The following PXDN variants were observed in gnomAD, a reference collection of about 807,000 sequenced individuals.
PXDN encodes the protein peroxidasin homolog.
In PXDN, 77 loss-of-function variants were observed where a neutral mutation model predicts 140.3. That is an observed-to-expected ratio of 0.55 (90% CI 0.46 to 0.66). The LOEUF is 0.66. Ranked by LOEUF, PXDN falls within the 30% of genes least tolerant of loss-of-function variation. The probability of loss-of-function intolerance (pLI) is 0.00; values close to 1 mark genes in which losing one functional copy is unlikely to be tolerated. For missense variants in PXDN, 1,838 were observed against 2,039.5 expected, an observed-to-expected ratio of 0.90 and a Z score of 1.90; for synonymous variants, 911 against 857.4, an observed-to-expected ratio of 1.06 and a Z score of -1.09.
At position 1,666,439 on chromosome 2, in the gene PXDN, C is replaced by G. The variant is rs371682650; in HGVS notation, c.1066G>C (p.Gly356Arg). 1.2e-6 allele frequency: 2 copies of G among 1,612,658 alleles called. No homozygotes were observed. The highest frequency in any genetic ancestry group is 1.3e-5 in the African/African-American group (1 of 74,930). Residue 356 changes from glycine to arginine, a missense_variant, in exon 10 of 23, where the codon GGG becomes CGG. Physicochemically the swap from Gly to Arg is moderately radical, Grantham distance 125. This residue lies in a region of PXDN where 208 missense variants were observed against 325.8 expected (regional missense o/e 0.64). Transcript: ENST00000252804. ...IQPQNTEVLV[G>R]ESVTLECSAT... Reference sequence around the variant, plus strand: ...CTGCACTCCAGCGTGACGCTCTCCCCAACCAGCACCTCTGTATTCTGTGGC... The same window carrying G: ...CTGCACTCCAGCGTGACGCTCTCCCGAACCAGCACCTCTGTATTCTGTGGC...
chr2:1,736,636 T>C (rs1187049993), intron 1 of PXDN, among the ~76,000 whole-genome samples: 2 of 151,062 alleles, frequency 1.3e-5, no homozygotes, highest in African/African-American at 2.4e-5. Context: ...CCTGGGCAAA[T>C]AGCAAGACTC....
At chr2:1,705,034 CTG>C (rs1684557987) in intron 1 of PXDN, among the ~76,000 whole-genome samples, 1 of 152,110 alleles carries the variant, frequency 6.6e-6, no homozygotes, top group East Asian at 1.9e-4. Flanking sequence ...TAAAAATTAA[CTG>C]AAGTTACAGA....
intron 1 of PXDN, among the ~76,000 whole-genome samples, chr2:1,716,440 GAAAAAAA>G (rs550784477): frequency 0.26 from 14,819 of 56,980 alleles, 1,234 homozygotes; most frequent in South Asian, 0.36. Context: ...TCCATCTCAG[GAAAAAAA>G]AAAAAAAAAA....
intron 9 of PXDN, among the ~76,000 whole-genome samples, chr2:1,669,480 T>C (rs548902035): frequency 6.6e-6 from 1 of 152,298 alleles, no homozygotes; most frequent in Non-Finnish European, 1.5e-5. Flanking sequence ...TAAAAATATA[T>C]ATATTCTGCT....
At chr2:1,710,372 T>C (rs1300419532) in intron 1 of PXDN, among the ~76,000 whole-genome samples, 2 of 152,126 alleles carry the variant, frequency 1.3e-5, no homozygotes, top group African/African-American at 4.8e-5. Context: ...GCTCAGCGTT[T>C]CTGGGGGACA....
intron 1 of PXDN, among the ~76,000 whole-genome samples, chr2:1,718,568 C>T (rs1311962980): frequency 6.6e-6 from 1 of 152,200 alleles, no homozygotes; most frequent in African/African-American, 2.4e-5. Context: ...CCACCCAAAC[C>T]TACTTTATTA....
At position 1,651,147 on chromosome 2, in the gene PXDN, G is replaced by A. The variant is rs1322657202; in HGVS notation, c.2105-1472C>T. Among the ~76,000 whole-genome samples the A allele has an allele frequency of 6.6e-6, 1 of 152,114 alleles. No homozygotes were observed. Among genetic ancestry groups the A allele is most frequent in the African/African-American group, 2.4e-5 (1 of 41,438 alleles). On this transcript the variant is annotated intron_variant, in intron 16 of 22. Coordinates refer to ENST00000252804, the MANE Select transcript of PXDN (RefSeq NM_012293.3). This position sits in a 1 kb window ranked among gnomAD's most constrained non-coding sequence, Gnocchi z 4.4. ...TGAAACATCTGGCCCTATTTTCACA[G>A]CTACTCTTGGGAAGTCCTACAGAAT...
intron 1 of PXDN, among the ~76,000 whole-genome samples, chr2:1,722,765 G>A (rs541457742): frequency 1.7e-4 from 26 of 152,342 alleles, no homozygotes; most frequent in Admixed American, 9.8e-4. Flanking sequence ...AGGGGGGTAC[G>A]AGGAAGCAGG....
intron 14 of PXDN, among the ~76,000 whole-genome samples, chr2:1,657,341 T>A (rs556738741): frequency 6.9e-6 from 1 of 144,976 alleles, no homozygotes; most frequent in Non-Finnish European, 1.5e-5. Context: ...CCAACCTGAC[T>A]GAAACCAGCC....
chr2:1,650,428 A>G (rs570975898), intron 16 of PXDN, among the ~76,000 whole-genome samples: 42 of 152,292 alleles, frequency 2.8e-4, no homozygotes, highest in African/African-American at 9.1e-4. Context: ...GTCTTTGCCC[A>G]CTAGCTACAG....
At chr2:1,710,765 C>T (rs1354465078) in intron 1 of PXDN, among the ~76,000 whole-genome samples, 48 of 48,768 alleles carry the variant, frequency 9.8e-4, no homozygotes, top group African/African-American at 3.9e-3. Flanking sequence ...GCACCCACTC[C>T]ACCAGCACCC....
Position 1,694,516 on chromosome 2 carries a change from T to C in PXDN, c.201-1382A>G, listed in dbSNP as rs538170227. ...GGAGAAGGGGAAGGCGGCCCCCCTCTGCCCACCTGGCCCTCCTGGCCATCA... is the reference window on the plus strand; with the variant it reads ...GGAGAAGGGGAAGGCGGCCCCCCTCCGCCCACCTGGCCCTCCTGGCCATCA... On this transcript the variant is annotated intron_variant, in intron 1 of 22. Coordinates refer to ENST00000252804, the MANE Select transcript of PXDN (RefSeq NM_012293.3). Among the ~76,000 whole-genome samples, 18 of 152,316 alleles carry C rather than the reference T, an allele frequency of 1.2e-4. No homozygotes were observed. The East Asian group carries it at 3.5e-3, about 29-fold the overall frequency.
chr2:1,674,607 TCACCCTCACCC>T (rs893273243), intron 8 of PXDN, among the ~76,000 whole-genome samples: 3 of 152,146 alleles, frequency 2.0e-5, no homozygotes, highest in African/African-American at 7.2e-5. Context: ...CTGCCGCCTC[TCACCCTCACCC>T]CACCTGTAAC....
chr2:1,659,000 T>C (rs979645345), intron 14 of PXDN, among the ~76,000 whole-genome samples: 1 of 152,188 alleles, frequency 6.6e-6, no homozygotes, highest in African/African-American at 2.4e-5. Flanking sequence ...CACCAGGATC[T>C]AACTCCATGG....
chr2:1,744,504 G>C lies in PXDN; in HGVS notation c.-49C>G. ...CGGACGCACGGAGCCACCACGGCCG[G>C]CTCCCGACTGCGCCCGCCCGGCCGC... On this transcript the variant is annotated 5_prime_UTR_variant, in exon 1 of 23. Transcript: ENST00000252804. The C allele has an allele frequency of 7.5e-7, 1 of 1,326,064 alleles. No homozygotes were observed. Among genetic ancestry groups the C allele is most frequent in the Non-Finnish European group, 9.6e-7 (1 of 1,045,546 alleles). The allele number at this position is 1,326,064 out of a possible 1,614,324, so 82.1% of individuals were successfully genotyped here. A position where few individuals can be genotyped will look rare whatever the true frequency, so the allele number is the denominator to read the frequency against.
Position 1,673,722 on chromosome 2 carries a change from A to G in PXDN, c.939T>C (p.Gly313=). The G allele has an allele frequency of 6.2e-7, 1 of 1,613,976 alleles. No homozygotes were observed. Among genetic ancestry groups the G allele is most frequent in the Non-Finnish European group, 8.5e-7 (1 of 1,179,894 alleles). Reference sequence around the variant, plus strand: ...CGTTCTTTGCCATGCACTGGTAGATACCCTGGTCTGTCTCCTGTGTGTTCT... The same window carrying G: ...CGTTCTTTGCCATGCACTGGTAGATGCCCTGGTCTGTCTCCTGTGTGTTCT... ...MIQNTQETDQ[G]IYQCMAKNVA... is the part of the protein sequence containing the mutation. The change falls in exon 9 of 23, where the codon GGT becomes GGC. Residue 313 remains glycine (G), a synonymous_variant. Coordinates refer to ENST00000252804, the MANE Select transcript of PXDN (RefSeq NM_012293.3).
At chr2:1,679,920 GGATGGT>G (rs1683843179) in intron 7 of PXDN, among the ~76,000 whole-genome samples, 4 of 124,754 alleles carry the variant, frequency 3.2e-5, no homozygotes, top group African/African-American at 8.4e-5. Context: ...GTGTGTGTGT[GGATGGT>G]GTGTGTGTGT....
chr2:1,710,139 C>T (rs1483046347), intron 1 of PXDN, among the ~76,000 whole-genome samples: 1 of 152,170 alleles, frequency 6.6e-6, no homozygotes, highest in African/African-American at 2.4e-5. Context: ...CGGTACATCC[C>T]ATCTGTGATG....
At chr2:1,692,064 A>G in intron 2 of PXDN, 65 bp from the exon 3 acceptor site, 1 of 1,191,930 alleles carries the variant, frequency 8.4e-7, no homozygotes, top group Non-Finnish European at 1.2e-6. Flanking sequence ...GTTGTGTTAA[A>G]ACATTCCGAC....
Sources: gnomAD v4.1 joint callset for allele counts (sites outside exome capture counted in the v4.1 genomes callset) on GRCh38, gnomAD v4.1.1 for gene constraint, gnomAD v4.1.1 regional missense constraint, Gnocchi (gnomAD v3.1) non-coding constraint, MANE v1.5 for transcripts, NCBI Gene and HGNC (gene_info 2026-07-23, HGNC 2026-07-21) for gene names.